The following DIS3 variants were observed in gnomAD, a reference collection of about 807,000 sequenced individuals.
The protein encoded by DIS3 is DIS3 exosome endoribonuclease and 3'-5' exoribonuclease, also known as exosome complex exonuclease RRP44.
A neutral mutation model predicts 113.0 loss-of-function variants in DIS3; 103 were observed. The ratio of observed to expected loss-of-function variants is 0.91; its 90% CI spans 0.78 to 1.07. The LOEUF (loss-of-function observed/expected upper bound fraction) is 1.07. Ranked by LOEUF, DIS3 falls within the 50% of genes least tolerant of loss-of-function variation. The pLI is 0.00. For synonymous variants in DIS3, 402 were observed against 394.3 expected, an observed-to-expected ratio of 1.02 and a Z score of -0.23; for missense variants, 1,121 against 1,167.1, an observed-to-expected ratio of 0.96 and a Z score of 0.58.
Position 72,754,048 on chromosome 13 carries a change from C to G in DIS3, c.*5747G>C. On this transcript the variant is annotated 3_prime_UTR_variant, in exon 21 of 21. Transcript: ENST00000377767. Reference sequence around the variant, plus strand: ...AAAGGTAGCGTGTATTTGATGAGGGCATTTACTGAACCTTCCAGGTGGTGG... The same window carrying G: ...AAAGGTAGCGTGTATTTGATGAGGGGATTTACTGAACCTTCCAGGTGGTGG... The G allele has an allele frequency of 2.4e-6, 1 of 414,772 alleles. No homozygotes were observed. Among genetic ancestry groups the G allele is most frequent in the Non-Finnish European group, 4.3e-6 (1 of 234,732 alleles). The allele number at this position is 414,772 out of a possible 1,614,324, so 25.7% of individuals were successfully genotyped here.
At chr13:72,761,607 ACTT>A (rs2033624488) in intron 18 of DIS3, 36 bp downstream of exon 18, 3 of 1,543,242 alleles carry the variant, frequency 1.9e-6, no homozygotes, top group Admixed American at 2.3e-5. Context: ...AATGAACAAA[ACTT>A]CATTTTTTCT....
rs1198668315 is a variant in DIS3 at position 72,753,834 on chromosome 13, T to G, written c.*5961A>C. ...ATTTAATATGAAGGTACGGAGAAAA[T>G]ATAGTGAAAGCTTAATATTGTTTAG... On this transcript the variant is annotated 3_prime_UTR_variant, in exon 21 of 21. Transcript: ENST00000377767. 6.9e-6 allele frequency: 11 copies of G among 1,603,996 alleles called. No homozygotes were observed. In the African/African-American group the frequency reaches 1.5e-4, roughly 21 times the overall value.
chr13:72,767,345 C>T lies in DIS3; in HGVS notation c.1884-1287G>A, dbSNP rs188338795. Reference sequence around the variant, plus strand: ...TTTAAAACTATTAAAATAAATACAGCTTCAATTTGCATTTTATTTACATTG... The same window carrying T: ...TTTAAAACTATTAAAATAAATACAGTTTCAATTTGCATTTTATTTACATTG... On this transcript the variant is annotated intron_variant, in intron 14 of 20. Coordinates refer to ENST00000377767, the MANE Select transcript of DIS3 (RefSeq NM_014953.5). Among the ~76,000 whole-genome samples, 359 of 152,106 alleles carry T rather than the reference C, an allele frequency of 2.4e-3. 3 individuals are homozygous for T. The Middle Eastern group carries it at 0.024, about 10-fold the overall frequency.
chr13:72,766,254 A>T (rs1182665482), intron 14 of DIS3, among the ~76,000 whole-genome samples, 196 bp from the exon 15 acceptor site: 1 of 152,230 alleles, frequency 6.6e-6, no homozygotes, highest in Non-Finnish European at 1.5e-5. Flanking sequence ...ACAGCTCAGT[A>T]GATTTAAAAT....
At chr13:72,771,026 C>A in intron 12 of DIS3, 38 bp from the exon 13 acceptor site, 4 of 1,605,336 alleles carry the variant, frequency 2.5e-6, no homozygotes, top group Non-Finnish European at 3.4e-6. Flanking sequence ...TAATGGGAAT[C>A]AGGTTAAAGT....
intron 15 of DIS3, 29 bp from the exon 16 acceptor site, chr13:72,763,636 A>G (rs1028023230): frequency 6.3e-7 from 1 of 1,587,448 alleles, no homozygotes; most frequent in Non-Finnish European, 8.6e-7. Context: ...TTAAACAAAC[A>G]AAAAAGAGAA....
At chr13:72,772,421 T>A in intron 9 of DIS3, 146 bp from the exon 10 acceptor site, 2 of 715,990 alleles carry the variant, frequency 2.8e-6, no homozygotes, top group Non-Finnish European at 4.5e-6. Context: ...TTTCCTGCAC[T>A]GGAGCAGAGA....
intron 2 of DIS3, 66 bp from the exon 3 acceptor site, chr13:72,778,446 G>C: frequency 2.3e-6 from 3 of 1,316,298 alleles, no homozygotes; most frequent in South Asian, 3.5e-5. Context: ...AAAACTCTTA[G>C]CACATAAATG....
chr13:72,772,215 A>C lies in DIS3; in HGVS notation c.1447T>G (p.Cys483Gly). 6.2e-7 allele frequency: 1 copy of C among 1,613,626 alleles called. No homozygotes were observed. The change falls in exon 10 of 21, where the codon TGT becomes GGT. Residue 483 changes from cysteine to glycine, a missense_variant. Coordinates refer to ENST00000377767, the MANE Select transcript of DIS3 (RefSeq NM_014953.5). ...LCICSVDPPGCTDIDDALHCR... is the reference protein window; with the variant it reads ...LCICSVDPPGGTDIDDALHCR... ...TGTAGAGCATCGTCTATATCAGTAC[A>C]TCCTGGTGGGTCTACACTACAAATA...
rs751558276 is a variant in DIS3, at chr13:72,761,639, C to A, written c.2511+7G>T. The stretch of plus-strand genomic sequence containing the variant: ...TTTTTCTAGCAGTATCGACAAAAGG[C>A]AAATACCTGGGTATGAAAAGCCACT... On this transcript the variant is annotated splice_region_variant and intron_variant, in intron 18 of 20. Transcript: ENST00000377767. 9.5e-6 allele frequency: 15 copies of A among 1,577,824 alleles called. No homozygotes were observed. The highest frequency in any genetic ancestry group is 1.0e-5 in the Non-Finnish European group (12 of 1,168,004).
chr13:72,753,012 A>G lies in DIS3; in HGVS notation c.*6783T>C, dbSNP rs1330733545. ...CACCTCATCACTGGATGACATTGTGAAAGTTAAGCTTTTTAAGCCTTAATT... is the reference window on the plus strand; with the variant it reads ...CACCTCATCACTGGATGACATTGTGGAAGTTAAGCTTTTTAAGCCTTAATT... On this transcript the variant is annotated 3_prime_UTR_variant, in exon 21 of 21. Coordinates refer to ENST00000377767, the MANE Select transcript of DIS3 (RefSeq NM_014953.5). 2 of 152,250 alleles carry G rather than the reference A, an allele frequency of 1.3e-5. No individual in the cohort carries two copies. Among genetic ancestry groups the G allele is most frequent in the Non-Finnish European group, 2.9e-5 (2 of 68,072 alleles). 9.4% of individuals were successfully genotyped at this position (152,250 alleles called of 1,614,324 possible).
rs1197252012 is a variant in DIS3 at position 72,754,621 on chromosome 13, C to T, written c.*5174G>A. ...TTGTATGTAGTATCAGAGCAGGTCT[C>T]TTCTAATATTAACCTGAACAAAATC... is the stretch of plus-strand genomic sequence containing the variant. On this transcript the variant is annotated 3_prime_UTR_variant, in exon 21 of 21. Coordinates refer to ENST00000377767, the MANE Select transcript of DIS3 (RefSeq NM_014953.5). 6.6e-6 allele frequency: 1 copy of T among 152,286 alleles called. No individual in the cohort carries two copies. The highest frequency in any genetic ancestry group is 2.4e-5 in the African/African-American group (1 of 41,442). 9.4% of individuals were successfully genotyped at this position (152,286 alleles called of 1,614,324 possible).
chr13:72,762,831 TA>T (rs546972823), intron 16 of DIS3, among the ~76,000 whole-genome samples: 4,319 of 139,386 alleles, frequency 0.031, 228 homozygotes, highest in African/African-American at 0.11. Context: ...AGTAAATAAA[TA>T]AAAAAAAAAA....
rs1403269046 is a variant in DIS3, at chr13:72,753,736, A to G, written c.*6059T>C. 5 of 1,613,560 alleles carry G rather than the reference A, an allele frequency of 3.1e-6. No individual in the cohort carries two copies. Among genetic ancestry groups the G allele is most frequent in the South Asian group, 1.1e-5 (1 of 91,048 alleles). On this transcript the variant is annotated 3_prime_UTR_variant, in exon 21 of 21. Coordinates refer to ENST00000377767, the MANE Select transcript of DIS3 (RefSeq NM_014953.5). ...CAGAATTGTGGAAGCAATATTATGG[A>G]TACAGTTGGGGCAGAAAGTTACTGC...
intron 1 of DIS3, chr13:72,781,271 T>G: frequency 6.4e-7 from 1 of 1,551,208 alleles, no homozygotes; most frequent in Non-Finnish European, 8.7e-7. Flanking sequence ...ACATAGTTTT[T>G]TGTTCCTAGG....
intron 2 of DIS3, among the ~76,000 whole-genome samples, chr13:72,779,439 G>C (rs144362303): frequency 6.6e-6 from 1 of 152,094 alleles, no homozygotes; most frequent in Admixed American, 6.5e-5. Flanking sequence ...AAGCTCATCA[G>C]TGAAAGACAC....
intron 14 of DIS3, among the ~76,000 whole-genome samples, chr13:72,767,435 T>A (rs1179229215): frequency 6.6e-6 from 1 of 152,202 alleles, no homozygotes; most frequent in Non-Finnish European, 1.5e-5. Context: ...TCTTCTTATA[T>A]ACAAGTGACA....
intron 2 of DIS3, among the ~76,000 whole-genome samples, chr13:72,778,619 T>C (rs2138234995): frequency 6.6e-6 from 1 of 152,286 alleles, no homozygotes; most frequent in East Asian, 1.9e-4. Context: ...AGAAAAAGGC[T>C]AATACAATTT....
At position 72,756,289 on chromosome 13, in the gene DIS3, C is replaced by G. The variant is rs1419884239; in HGVS notation, c.*3506G>C. On this transcript the variant is annotated 3_prime_UTR_variant, in exon 21 of 21. Transcript: ENST00000377767. ...CCGCGTTATGTACCTGGCTCATCTT[C>G]AACACACTAACCATGAACACTAATA... 2.1e-5 allele frequency: 4 copies of G among 192,234 alleles called. No individual in the cohort carries two copies. Among genetic ancestry groups the G allele is most frequent in the African/African-American group, 9.3e-5 (4 of 43,168 alleles). The allele number at this position is 192,234 out of a possible 1,614,324, so 11.9% of individuals were successfully genotyped here.
Sources: gnomAD v4.1 joint callset for allele counts (sites outside exome capture counted in the v4.1 genomes callset) on GRCh38, gnomAD v4.1.1 for gene constraint, MANE v1.5 for transcripts, NCBI Gene and HGNC (gene_info 2026-07-23, HGNC 2026-07-21) for gene names.